Variants in PPM1G observed in about 807,000 individuals in gnomAD.
The protein encoded by PPM1G is protein phosphatase 1G.
A neutral mutation model predicts 59.4 loss-of-function variants in PPM1G; 12 were observed. The ratio of observed to expected loss-of-function variants is 0.20; its 90% confidence interval spans 0.13 to 0.33. PPM1G has a LOEUF of 0.33. Ranked by LOEUF, PPM1G falls within the 10% of genes least tolerant of loss-of-function variation. PPM1G has a pLI of 1.00. For missense variants in PPM1G, 392 were observed against 681.3 expected, an observed-to-expected ratio of 0.58 and a Z score of 4.73; for synonymous variants, 245 against 251.9, an observed-to-expected ratio of 0.97 and a Z score of 0.26.
intron 3 of PPM1G, 126 bp downstream of exon 3, chr2:27,386,068 A>T: frequency 8.0e-7 from 1 of 1,245,404 alleles, no homozygotes. Context: ...TCGTTTTAGG[A>T]ACAGAATTCT....
chr2:27,387,950 C>A (rs1217878890), intron 1 of PPM1G, among the ~76,000 whole-genome samples: 6 of 152,016 alleles, frequency 3.9e-5, no homozygotes, highest in Non-Finnish European at 7.4e-5. Flanking sequence ...AGGCACCCAC[C>A]ACCACACCCG....
chr2:27,396,537 G>A (rs148973650), intron 1 of PPM1G, among the ~76,000 whole-genome samples: 382 of 151,944 alleles, frequency 2.5e-3, no homozygotes, highest in African/African-American at 8.7e-3. Flanking sequence ...TTTTAAGGCC[G>A]GGCGTGGTGG....
Position 27,384,239 on chromosome 2 carries a change from TG to T in PPM1G, c.826-148del. On this transcript the variant is annotated intron_variant, in intron 5 of 9. Transcript: ENST00000344034. The surrounding 1 kb of genome is among the most constrained non-coding windows in gnomAD (Gnocchi z 4.8). ...TATATGGTCATGAAAATTGGGGGGATGGAAAGGGCTAGCATGAGTACAACTG... is the reference window on the plus strand; with the variant it reads ...TATATGGTCATGAAAATTGGGGGGATGAAAGGGCTAGCATGAGTACAACTG... 4 of 1,365,704 alleles carry T rather than the reference TG, an allele frequency of 2.9e-6. No individual in the cohort carries two copies. Among genetic ancestry groups the T allele is most frequent in the Non-Finnish European group, 4.0e-6 (4 of 1,007,912 alleles). The allele number at this position is 1,365,704 out of a possible 1,614,324, so 84.6% of individuals were successfully genotyped here.
At chr2:27,404,155 T>G (rs1663273383) in intron 1 of PPM1G, among the ~76,000 whole-genome samples, 1 of 152,160 alleles carries the variant, frequency 6.6e-6, no homozygotes, top group Non-Finnish European at 1.5e-5. Context: ...TGACCACTAA[T>G]AAGCCAGCTT....
intron 1 of PPM1G, chr2:27,393,201 A>T: frequency 6.5e-7 from 1 of 1,540,866 alleles, no homozygotes; most frequent in Non-Finnish European, 8.9e-7. Context: ...TTGGTGAAGA[A>T]AGTATTTGGC....
chr2:27,385,092 C>T lies in PPM1G; in HGVS notation c.410-4G>A. 2 of 1,588,640 alleles carry T rather than the reference C, an allele frequency of 1.3e-6. No individual in the cohort carries two copies. The highest frequency in any genetic ancestry group is 2.7e-5 in the African/African-American group (2 of 74,382). ...AGTGCAGCCTCCTCATTGTCCACTG[C>T]AGGGAAGAGGCTAAATCAGAGCCCC... is the stretch of plus-strand genomic sequence containing the variant. On this transcript the variant is annotated splice_polypyrimidine_tract_variant and splice_region_variant and intron_variant, in intron 4 of 9. Transcript: ENST00000344034. This position sits in a 1 kb window ranked among gnomAD's most constrained non-coding sequence, Gnocchi z 4.1.
In PPM1G at chr2:27,382,645, C is replaced by T. The variant is rs1170203779; in HGVS notation, c.1202-40G>A. 6.2e-7 allele frequency: 1 copy of T among 1,611,566 alleles called. No individual in the cohort carries two copies. The highest frequency in any genetic ancestry group is 1.1e-5 in the South Asian group (1 of 90,846). The stretch of plus-strand genomic sequence containing the variant: ...TGGTTGATGAGCAGTTTGGATACTT[C>T]CCACAGACTTGTGTTTGTGGCAGGT... On this transcript the variant is annotated intron_variant, in intron 7 of 9. Transcript: ENST00000344034. The surrounding 1 kb of genome is among the most constrained non-coding windows in gnomAD (Gnocchi z 4.2).
intron 1 of PPM1G, among the ~76,000 whole-genome samples, chr2:27,394,653 C>T (rs143711645): frequency 0.011 from 1,585 of 150,072 alleles, 25 homozygotes; most frequent in African/African-American, 0.037. Flanking sequence ...ATCACTTGAA[C>T]CCGGGAGGCG....
intron 1 of PPM1G, among the ~76,000 whole-genome samples, chr2:27,403,242 A>C (rs1684227250): frequency 6.6e-6 from 1 of 152,026 alleles, no homozygotes; most frequent in Admixed American, 6.6e-5. Context: ...CCAGAAGTTC[A>C]AGACCAGACT....
In PPM1G at chr2:27,382,103, C is replaced by G. The variant is rs1203465461; in HGVS notation, c.1434+23G>C. 8 of 1,604,216 alleles carry G rather than the reference C, an allele frequency of 5.0e-6. No individual in the cohort carries two copies. The highest frequency in any genetic ancestry group is 6.8e-6 in the Non-Finnish European group (8 of 1,171,122). On this transcript the variant is annotated intron_variant, in intron 9 of 9. Coordinates refer to ENST00000344034, the MANE Select transcript of PPM1G (RefSeq NM_177983.3). This position sits in a 1 kb window ranked among gnomAD's most constrained non-coding sequence, Gnocchi z 4.2. Reference sequence around the variant, plus strand: ...CCTGGCTGTGCAGACCAGACACCCTCTCTTCTCCACCCTGGTACTCACCTC... The same window carrying G: ...CCTGGCTGTGCAGACCAGACACCCTGTCTTCTCCACCCTGGTACTCACCTC...
Position 27,385,570 on chromosome 2 carries a change from A to G in PPM1G, c.409+177T>C. Reference sequence around the variant, plus strand: ...ACAGCTCAGATGCCACTCAACGAAGATAATTCTCTCCCTCCTTTTCATAAC... The same window carrying G: ...ACAGCTCAGATGCCACTCAACGAAGGTAATTCTCTCCCTCCTTTTCATAAC... On this transcript the variant is annotated intron_variant, in intron 4 of 9. Transcript: ENST00000344034. This position sits in a 1 kb window ranked among gnomAD's most constrained non-coding sequence, Gnocchi z 4.1. The G allele has an allele frequency of 1.3e-6, 1 of 772,136 alleles. No individual in the cohort carries two copies. The highest frequency in any genetic ancestry group is 2.1e-5 in the South Asian group (1 of 47,374). The allele number at this position is 772,136 out of a possible 1,614,324, so 47.8% of individuals were successfully genotyped here.
intron 1 of PPM1G, among the ~76,000 whole-genome samples, chr2:27,407,185 C>T (rs919722513): frequency 6.6e-6 from 1 of 151,974 alleles, no homozygotes; most frequent in East Asian, 1.9e-4. Context: ...AGGCTGGTCT[C>T]GAACTCCTAA....
At chr2:27,401,889 AAATG>A (rs1216687073) in intron 1 of PPM1G, among the ~76,000 whole-genome samples, 12 of 152,218 alleles carry the variant, frequency 7.9e-5, no homozygotes, top group African/African-American at 2.9e-4. Flanking sequence ...TATACCCTTA[AAATG>A]AATGAATTAT....
chr2:27,405,360 C>T (rs1663330875), intron 1 of PPM1G, among the ~76,000 whole-genome samples: 1 of 151,902 alleles, frequency 6.6e-6, no homozygotes, highest in Admixed American at 6.6e-5. Flanking sequence ...CATGAGCCAC[C>T]GTGCCCAGTG....
At position 27,409,299 on chromosome 2, in the gene PPM1G, TC is replaced by T; in HGVS notation, c.120+3del. On this transcript the variant is annotated splice_donor_region_variant and intron_variant, in intron 1 of 9. Transcript: ENST00000344034. Reference sequence around the variant, plus strand: ...GGCCAGCCTATGGGCCCCTGCCTCCTCACCTCCATGGAGACGCGCCAGCCTT... The same window carrying T: ...GGCCAGCCTATGGGCCCCTGCCTCCTACCTCCATGGAGACGCGCCAGCCTT... 6.4e-7 allele frequency: 1 copy of T among 1,553,336 alleles called. No individual in the cohort carries two copies. Among genetic ancestry groups the T allele is most frequent in the Middle Eastern group, 1.7e-4 (1 of 5,972 alleles).
At chr2:27,408,256 A>G (rs144367232) in intron 1 of PPM1G, among the ~76,000 whole-genome samples, 58 of 152,342 alleles carry the variant, frequency 3.8e-4, no homozygotes, top group South Asian at 1.2e-3. Flanking sequence ...CAAGGGAGAC[A>G]GTATTTCGCT....
intron 1 of PPM1G, among the ~76,000 whole-genome samples, chr2:27,387,934 G>A (rs1481732750): frequency 6.6e-6 from 1 of 151,896 alleles, no homozygotes; most frequent in Admixed American, 6.6e-5. Flanking sequence ...AAGTAGCTGG[G>A]ACTACAGGCA....
Position 27,384,980 on chromosome 2 carries a change from G to A in PPM1G, c.518C>T (p.Ser173Phe). ...TGGTTCCTCGCCTGTCCCACCTCCAGATTTGCTGTGGGGAGGGCCCTTGTG... is the reference window on the plus strand; with the variant it reads ...TGGTTCCTCGCCTGTCCCACCTCCAAATTTGCTGTGGGGAGGGCCCTTGTG... ...NCHKGPPHSK[S>F]GGGTGEEPGS... The change falls in exon 5 of 10, where the codon TCT becomes TTT. Residue 173 changes from serine to phenylalanine, a missense_variant. By Grantham distance (155) the Ser-to-Phe change is radical. Transcript: ENST00000344034. This position sits in a 1 kb window ranked among gnomAD's most constrained non-coding sequence, Gnocchi z 4.8. 1.2e-6 allele frequency: 2 copies of A among 1,614,238 alleles called. No individual in the cohort carries two copies. Among genetic ancestry groups the A allele is most frequent in the Non-Finnish European group, 1.7e-6 (2 of 1,180,050 alleles).
chr2:27,409,356 G>T lies in PPM1G; in HGVS notation c.67C>A (p.Leu23Met). The T allele has an allele frequency of 6.5e-7, 1 of 1,542,022 alleles. No individual in the cohort carries two copies. Residue 23 changes from leucine (L) to methionine (M), a missense_variant, in exon 1 of 10, where the codon CTG (leucine) becomes ATG (methionine). Leu to Met is a conservative substitution (Grantham distance 15, BLOSUM62 2). Around this residue, in one of 6 missense-constraint regions of PPM1G, gnomAD observed 68 missense variants for 145.9 expected, o/e 0.47. Transcript: ENST00000344034. ...GCGGAGAAGCCGTAGGGCAGCGGCA[G>T]GCGCGGGGCGCCGACCCCGTCCCCG... is the stretch of plus-strand genomic sequence containing the variant. ...CSGDGVGAPR[L>M]PLPYGFSAMQ...
Sources: gnomAD v4.1 joint callset for allele counts (sites outside exome capture counted in the v4.1 genomes callset) on GRCh38, gnomAD v4.1.1 for gene constraint, gnomAD v4.1.1 regional missense constraint, Gnocchi (gnomAD v3.1) non-coding constraint, MANE v1.5 for transcripts, NCBI Gene and HGNC (gene_info 2026-07-23, HGNC 2026-07-21) for gene names.